CDH26: variants seen among roughly 807,000 people sequenced by gnomAD.
CDH26 encodes cadherin-like protein 26.
Under a neutral mutation model 90.3 loss-of-function variants are expected in CDH26, and 83 were observed. The observed-to-expected ratio is 0.92, with a 90% CI of 0.77 to 1.10. The LOEUF is 1.10. Ranked by LOEUF, CDH26 falls within the 50% of genes least tolerant of loss-of-function variation. CDH26 has a pLI of 0.00. For synonymous variants in CDH26, 397 were observed against 396.3 expected (o/e 1.00, Z -0.02); for missense variants, 1,013 against 1,037.6 (o/e 0.98, Z 0.33).
intron 9 of CDH26, among the ~76,000 whole-genome samples, chr20:59,989,445 G>A (rs1437459334): frequency 6.6e-6 from 1 of 151,026 alleles, no homozygotes; most frequent in Non-Finnish European, 1.5e-5. Context: ...GGAGAATGGC[G>A]TGAACCCGGG....
intron 4 of CDH26, among the ~76,000 whole-genome samples, chr20:59,973,670 T>C (rs2061292092): frequency 6.6e-6 from 1 of 152,178 alleles, no homozygotes; most frequent in South Asian, 2.1e-4. Context: ...CTGTGTTAGT[T>C]TGCTAAGGAT....
At chr20:59,969,080 G>T in intron 2 of CDH26, 57 bp downstream of exon 2, 1 of 1,120,272 alleles carries the variant, frequency 8.9e-7, no homozygotes, top group South Asian at 1.3e-5. Flanking sequence ...ACTTGACTTA[G>T]AGACAGAATT....
rs2062044606 is a variant in CDH26 at position 60,032,167 on chromosome 20, T to C, written c.1143+741T>C. ...TTCATCTGTGTATCAGTCGGAGAAA[T>C]TAATGCTGGCAGCTGAAACAGGTAA... On this transcript the variant is annotated intron_variant, in intron 8 of 8. Transcript: ENST00000370991. Among the ~76,000 whole-genome samples the C allele has an allele frequency of 2.0e-5, 3 of 152,170 alleles. No homozygotes were observed. In the South Asian group the frequency reaches 6.2e-4, roughly 32 times the overall value.
In CDH26 at chr20:60,028,724, C is replaced by T. The variant is rs777636065; in HGVS notation, c.948-2507C>T. ...GTGGAGACATCTGAACCCTGGTACACTGCTGATTGGAATGTAAAATGGTAC... is the reference window on the plus strand; with the variant it reads ...GTGGAGACATCTGAACCCTGGTACATTGCTGATTGGAATGTAAAATGGTAC... On this transcript the variant is annotated intron_variant, in intron 7 of 8. Coordinates refer to the CDH26 transcript ENST00000370991. Among the ~76,000 whole-genome samples the T allele has an allele frequency of 1.3e-3, 203 of 152,250 alleles. 4 individuals carry two copies. The highest frequency in any genetic ancestry group is 6.8e-3 in the Middle Eastern group (2 of 294).
chr20:59,982,874 T>G (rs193090115), intron 4 of CDH26, 49 bp from the exon 5 acceptor site: 21 of 1,595,098 alleles, frequency 1.3e-5, no homozygotes, highest in Middle Eastern at 3.3e-4. Context: ...TATTAGAGTG[T>G]CATCGAGTAA....
At chr20:60,024,186 G>A (rs1179113138) in intron 7 of CDH26, among the ~76,000 whole-genome samples, 1 of 152,204 alleles carries the variant, frequency 6.6e-6, no homozygotes, top group South Asian at 2.1e-4. Context: ...GATTCCTCTG[G>A]GGGGTTGGAA....
At chr20:60,011,909 T>C (rs1360166203) in intron 17 of CDH26, among the ~76,000 whole-genome samples, 1 of 152,014 alleles carries the variant, frequency 6.6e-6, no homozygotes, top group East Asian at 1.9e-4. Context: ...CAGAGAGAGA[T>C]GGTGACGGGG....
Position 60,012,417 on chromosome 20 carries a change from C to G in CDH26, c.2296-110C>G. 3 of 984,504 alleles carry G rather than the reference C, an allele frequency of 3.0e-6. No homozygotes were observed. The Middle Eastern group carries it at 9.9e-4, about 326-fold the overall frequency. 61.0% of individuals were successfully genotyped at this position (984,504 alleles called of 1,614,324 possible). On this transcript the variant is annotated intron_variant, in intron 17 of 17. Transcript: ENST00000348616. ...CCTGTGTCAGCTGAGGACACGGGGC[C>G]TGAGTGCTGTTACTACTGCATTGAT... is the stretch of plus-strand genomic sequence containing the variant.
chr20:60,000,415 G>A (rs984958888), intron 14 of CDH26, among the ~76,000 whole-genome samples: 4 of 152,212 alleles, frequency 2.6e-5, no homozygotes, highest in African/African-American at 9.7e-5. Context: ...GCAGTGAGGA[G>A]GGCTGGGTTC....
Position 59,987,538 on chromosome 20 carries a change from C to T in CDH26, c.923C>T (p.Ala308Val). The T allele has an allele frequency of 6.2e-7, 1 of 1,613,956 alleles. No individual in the cohort carries two copies. Among genetic ancestry groups the T allele is most frequent in the Non-Finnish European group, 8.5e-7 (1 of 1,179,930 alleles). ...VQDRDSPFTS[A>V]WRAKFNILHG... ...GATCGAGATTCTCCATTTACATCAG[C>T]TTGGAGAGCAAAATTCAACATATTG... Residue 308 changes from alanine to valine, a missense_variant, in exon 8 of 18, where the codon GCT becomes GTT. Ala to Val is a moderately conservative substitution (Grantham distance 64). Transcript: ENST00000348616.
At position 60,033,919 on chromosome 20, in the gene CDH26, A is replaced by G. The variant is rs187316204; in HGVS notation, c.*243A>G. ...CACTGGCCTGGTCACTGCTTATCCA[A>G]TATGCATGTAAGAATTACTTTTTCT... On this transcript the variant is annotated 3_prime_UTR_variant, in exon 9 of 9. Coordinates refer to the CDH26 transcript ENST00000370991. 5.9e-3 allele frequency: 1,728 copies of G among 295,084 alleles called. 15 individuals are homozygous for G. Among genetic ancestry groups the G allele is most frequent in the Middle Eastern group, 0.021 (15 of 704 alleles). The allele number at this position is 295,084 out of a possible 1,614,324, so 18.3% of individuals were successfully genotyped here.
chr20:59,996,883 A>T (rs1157932698), intron 13 of CDH26, 122 bp downstream of exon 13: 1 of 1,292,044 alleles, frequency 7.7e-7, no homozygotes, highest in Non-Finnish European at 1.1e-6. Context: ...GTGTTTCAGT[A>T]GCAAGTGGGA....
chr20:59,973,389 T>G (rs1280863826), intron 4 of CDH26, among the ~76,000 whole-genome samples: 2 of 149,242 alleles, frequency 1.3e-5, no homozygotes, highest in African/African-American at 4.9e-5. Context: ...TCCTTTCCTT[T>G]TATTATTATT....
chr20:59,964,559 TA>T (rs1247713612), intron 1 of CDH26, among the ~76,000 whole-genome samples: 1 of 152,110 alleles, frequency 6.6e-6, no homozygotes, highest in Non-Finnish European at 1.5e-5. Flanking sequence ...TGAGAGCACT[TA>T]CAAAATCATT....
In CDH26 at chr20:60,030,604, G is replaced by C. The variant is rs1210905375; in HGVS notation, c.948-627G>C. 6.6e-6 allele frequency among the ~76,000 whole-genome samples: 1 copy of C among 152,120 alleles called. No homozygotes were observed. Among genetic ancestry groups the C allele is most frequent in the African/African-American group, 2.4e-5 (1 of 41,412 alleles). On this transcript the variant is annotated intron_variant, in intron 7 of 8. Coordinates refer to the CDH26 transcript ENST00000370991. The surrounding 1 kb of genome is among the most constrained non-coding windows in gnomAD (Gnocchi z 4.0). ...GAGATGTGCATTTTACCCAAACTGA[G>C]CCAGTGAGAGTGGGGCCCAGGGTCT...
intron 17 of CDH26, 30 bp downstream of exon 17, chr20:60,006,817 T>G: frequency 6.4e-7 from 1 of 1,553,216 alleles, no homozygotes; most frequent in Non-Finnish European, 8.9e-7. Context: ...TGCTGTGCAC[T>G]AGCTATGGGT....
chr20:59,970,279 G>A, intron 3 of CDH26, 93 bp downstream of exon 3: 2 of 1,515,248 alleles, frequency 1.3e-6, no homozygotes, highest in South Asian at 2.6e-5. Flanking sequence ...AAGGTTATGT[G>A]CTAGTGAGGC....
chr20:60,009,305 G>A (rs899568299), intron 17 of CDH26, among the ~76,000 whole-genome samples: 1 of 152,184 alleles, frequency 6.6e-6, no homozygotes, highest in African/African-American at 2.4e-5. Flanking sequence ...ATCTACAAAG[G>A]AGAGTTGGGG....
intron 7 of CDH26, among the ~76,000 whole-genome samples, chr20:60,028,958 A>G (rs1358402697): frequency 6.6e-6 from 1 of 152,210 alleles, no homozygotes; most frequent in East Asian, 1.9e-4. Context: ...TGAACAAGTA[A>G]AGAGACGCGA....
Sources: gnomAD v4.1 joint callset for allele counts (sites outside exome capture counted in the v4.1 genomes callset) on GRCh38, gnomAD v4.1.1 for gene constraint, Gnocchi (gnomAD v3.1) non-coding constraint, MANE v1.5 for transcripts, NCBI Gene and HGNC (gene_info 2026-07-23, HGNC 2026-07-21) for gene names.